PDE11A: variants seen among roughly 807,000 people sequenced by gnomAD.
PDE11A encodes the protein phosphodiesterase 11A.
In PDE11A, 100 loss-of-function variants were observed where a neutral mutation model predicts 100.5. The ratio of observed to expected loss-of-function variants is 1.00; its 90% CI spans 0.85 to 1.18. PDE11A has a LOEUF of 1.18. Among genes scored for constraint, PDE11A ranks in the 50% most tolerant of loss-of-function variants. The probability of loss-of-function intolerance (pLI) is 0.00; values close to 1 mark genes in which losing one functional copy is unlikely to be tolerated. For missense variants in PDE11A, 1,141 were observed against 1,152.6 expected, an observed-to-expected ratio of 0.99 and a Z score of 0.15; for synonymous variants, 381 against 420.8, an observed-to-expected ratio of 0.91 and a Z score of 1.16.
chr2:177,821,130 G>T lies in PDE11A; in HGVS notation c.1501-835C>A, dbSNP rs576185020. ...TATTTTAAAATATTCTTTGTTGAAG[G>T]CAAGAGCCACATATTTTAAACACTT... On this transcript the variant is annotated intron_variant, in intron 6 of 19. Coordinates refer to ENST00000286063, the MANE Select transcript of PDE11A (RefSeq NM_016953.4). 7.2e-5 allele frequency among the ~76,000 whole-genome samples: 11 copies of T among 151,920 alleles called. No homozygotes were observed. In the South Asian group the frequency reaches 1.2e-3, roughly 17 times the overall value.
At chr2:178,064,586 A>G (rs1361567681) in intron 1 of PDE11A, among the ~76,000 whole-genome samples, 1 of 152,090 alleles carries the variant, frequency 6.6e-6, no homozygotes, top group Non-Finnish European at 1.5e-5. Flanking sequence ...GCTCAAAGTT[A>G]GTACTCCATA....
intron 2 of PDE11A, among the ~76,000 whole-genome samples, chr2:177,928,303 C>T (rs1201675118): frequency 1.3e-5 from 2 of 152,052 alleles, no homozygotes; most frequent in East Asian, 3.9e-4. Context: ...TGAGAACAGC[C>T]TGGGCCACAA....
chr2:177,969,750 C>A (rs1160556463), intron 2 of PDE11A, among the ~76,000 whole-genome samples: 1 of 152,282 alleles, frequency 6.6e-6, no homozygotes, highest in East Asian at 1.9e-4. Context: ...TTGTATTACA[C>A]TACTTTGTAT....
At chr2:177,839,266 G>A (rs2083450188) in intron 6 of PDE11A, among the ~76,000 whole-genome samples, 1 of 152,160 alleles carries the variant, frequency 6.6e-6, no homozygotes, top group Non-Finnish European at 1.5e-5. Flanking sequence ...CTGAATTTTT[G>A]TCTGCCTCCA....
intron 1 of PDE11A, among the ~76,000 whole-genome samples, chr2:178,016,923 G>A (rs575884216): frequency 6.6e-6 from 1 of 152,262 alleles, no homozygotes; most frequent in African/African-American, 2.4e-5. Context: ...CAAATGCAAT[G>A]GAAAACCTTT....
intron 15 of PDE11A, among the ~76,000 whole-genome samples, chr2:177,685,140 G>A (rs1418410230): frequency 6.6e-6 from 1 of 152,158 alleles, no homozygotes; most frequent in Non-Finnish European, 1.5e-5. Flanking sequence ...TGTAGTAGAA[G>A]CTCAATAAAT....
At chr2:178,011,043 C>G (rs2086268422) in intron 2 of PDE11A, among the ~76,000 whole-genome samples, 1 of 152,158 alleles carries the variant, frequency 6.6e-6, no homozygotes, top group Non-Finnish European at 1.5e-5. Flanking sequence ...GTCACCATCT[C>G]TTGCATTTGG....
At chr2:177,751,984 G>A (rs1445092035) in intron 10 of PDE11A, among the ~76,000 whole-genome samples, 4 of 152,126 alleles carry the variant, frequency 2.6e-5, no homozygotes, top group African/African-American at 9.7e-5. Flanking sequence ...GTGAGACAGA[G>A]CTGGGACTTG....
At chr2:177,822,661 G>T (rs1386984551) in intron 6 of PDE11A, among the ~76,000 whole-genome samples, 1 of 151,936 alleles carries the variant, frequency 6.6e-6, no homozygotes, top group Non-Finnish European at 1.5e-5. Flanking sequence ...GGTATTTTTT[G>T]AATCTATCTG....
chr2:177,756,752 T>A (rs2082096094), intron 10 of PDE11A, among the ~76,000 whole-genome samples: 1 of 152,220 alleles, frequency 6.6e-6, no homozygotes, highest in African/African-American at 2.4e-5. Context: ...CACAAACATG[T>A]CCCTTGAAGT....
chr2:177,951,479 C>A lies in PDE11A; in HGVS notation c.1072-46292G>T, dbSNP rs1412220049. Among the ~76,000 whole-genome samples, 6 of 152,258 alleles carry A rather than the reference C, an allele frequency of 3.9e-5. No homozygotes were observed. In the South Asian group the frequency reaches 1.0e-3, roughly 26 times the overall value. ...TGTTATTGTCAAGACAGTGAAGAAT[C>A]TAAAATCCTACCCCACTTGAAATCA... is the stretch of plus-strand genomic sequence containing the variant. On this transcript the variant is annotated intron_variant, in intron 2 of 19. Transcript: ENST00000286063.
At chr2:177,997,884 A>T in intron 2 of PDE11A, 1 of 1,377,842 alleles carries the variant, frequency 7.3e-7, no homozygotes, top group Non-Finnish European at 1.0e-6. Flanking sequence ...TGTCACCACA[A>T]AATGAACTCA....
intron 2 of PDE11A, among the ~76,000 whole-genome samples, chr2:177,936,912 G>T (rs1574291611): frequency 1.3e-5 from 2 of 149,180 alleles, no homozygotes. Flanking sequence ...ACAAGAGAAG[G>T]ATTCCATCTT....
intron 2 of PDE11A, among the ~76,000 whole-genome samples, chr2:178,094,479 C>T (rs2087464366): frequency 6.6e-6 from 1 of 152,178 alleles, no homozygotes; most frequent in African/African-American, 2.4e-5. Context: ...CTGCAATGAG[C>T]TGAGATCGCA....
At chr2:177,829,673 C>T (rs933547870) in intron 6 of PDE11A, among the ~76,000 whole-genome samples, 2 of 150,552 alleles carry the variant, frequency 1.3e-5, no homozygotes, top group African/African-American at 2.5e-5. Flanking sequence ...AGGAAGGTCT[C>T]GATCTCCTGA....
chr2:178,086,623 C>T (rs1415807145), intron 2 of PDE11A, among the ~76,000 whole-genome samples: 1 of 152,116 alleles, frequency 6.6e-6, no homozygotes, highest in Non-Finnish European at 1.5e-5. Flanking sequence ...CAAACCAAAA[C>T]TAAATCTCTT....
chr2:177,928,034 G>C lies in PDE11A; in HGVS notation c.1072-22847C>G, dbSNP rs1172595574. ...CAAGAGAATCGCTTGAACCTGGGAA[G>C]TGGAGGTTGTGGTGAGCCGAGATCG... On this transcript the variant is annotated intron_variant, in intron 2 of 19. Coordinates refer to ENST00000286063, the MANE Select transcript of PDE11A (RefSeq NM_016953.4). Among the ~76,000 whole-genome samples, 12 of 149,618 alleles carry C rather than the reference G, an allele frequency of 8.0e-5. 1 individual carries two copies. Among genetic ancestry groups the C allele is most frequent in the Admixed American group, 4.0e-4 (6 of 14,950 alleles).
intron 7 of PDE11A, 75 bp downstream of exon 7, chr2:177,820,145 A>T (rs2083113829): frequency 1.2e-6 from 1 of 805,254 alleles, no homozygotes; most frequent in Non-Finnish European, 2.2e-6. Context: ...AACACATAAA[A>T]AAGATATGGG....
At chr2:177,786,269 G>A (rs1422477251) in intron 9 of PDE11A, among the ~76,000 whole-genome samples, 10 of 152,188 alleles carry the variant, frequency 6.6e-5, no homozygotes, top group Non-Finnish European at 1.5e-4. Context: ...GCTGATACCA[G>A]GCAAACAGGG....
Sources: gnomAD v4.1 joint callset for allele counts (sites outside exome capture counted in the v4.1 genomes callset) on GRCh38, gnomAD v4.1.1 for gene constraint, MANE v1.5 for transcripts, NCBI Gene and HGNC (gene_info 2026-07-23, HGNC 2026-07-21) for gene names.